PSMD9: variants seen among roughly 807,000 people sequenced by gnomAD.
PSMD9 encodes the protein proteasome 26S subunit, non-ATPase 9.
In PSMD9, 26 loss-of-function variants were observed where a neutral mutation model predicts 25.9. That is an observed-to-expected ratio of 1.00 (90% CI 0.73 to 1.39). The LOEUF is 1.39. Among genes scored for constraint, PSMD9 ranks in the 40% most tolerant of loss-of-function variants. The probability of loss-of-function intolerance (pLI) is 0.00; values close to 1 mark genes in which losing one functional copy is unlikely to be tolerated. For synonymous variants in PSMD9, 110 were observed against 114.5 expected (o/e 0.96, Z 0.25); for missense variants, 303 against 299.3 (o/e 1.01, Z -0.09).
At chr12:121,907,827 G>T (rs570876238) in intron 4 of PSMD9, among the ~76,000 whole-genome samples, 1 of 152,228 alleles carries the variant, frequency 6.6e-6, no homozygotes, top group Non-Finnish European at 1.5e-5. Flanking sequence ...ATCACTTGAG[G>T]CCAGGAGTTT....
intron 2 of PSMD9, among the ~76,000 whole-genome samples, chr12:121,895,410 G>A (rs1463291738): frequency 6.6e-6 from 1 of 152,134 alleles, no homozygotes; most frequent in African/African-American, 2.4e-5. Context: ...TAATTAAAGA[G>A]CTAGCAGAGA....
In PSMD9 at chr12:121,916,253, C is replaced by T. The variant is rs562129475; in HGVS notation, c.645-31C>T. The T allele has an allele frequency of 1.9e-6, 3 of 1,613,884 alleles. No homozygotes were observed. The South Asian group carries it at 3.3e-5, about 18-fold the overall frequency. On this transcript the variant is annotated intron_variant, in intron 5 of 5. Transcript: ENST00000541212. Reference sequence around the variant, plus strand: ...GACCTTCCTGAAGGGAGCCTCCAAACTTACGCCATTCCTTTTCTTCTTTCT... The same window carrying T: ...GACCTTCCTGAAGGGAGCCTCCAAATTTACGCCATTCCTTTTCTTCTTTCT...
intron 4 of PSMD9, among the ~76,000 whole-genome samples, chr12:121,905,210 T>C (rs1410705403): frequency 6.6e-6 from 1 of 151,320 alleles, no homozygotes; most frequent in Non-Finnish European, 1.5e-5. Flanking sequence ...CCATGAGTTT[T>C]CTTCTTTTTC....
chr12:121,890,789 A>G (rs1403586627), intron 1 of PSMD9, among the ~76,000 whole-genome samples: 2 of 152,076 alleles, frequency 1.3e-5, no homozygotes. Context: ...GTATTTTAAA[A>G]GGAAATTTCA....
At chr12:121,892,276 G>T (rs1469918354) in intron 1 of PSMD9, among the ~76,000 whole-genome samples, 1 of 152,082 alleles carries the variant, frequency 6.6e-6, no homozygotes, top group Non-Finnish European at 1.5e-5. Context: ...AATACAAATG[G>T]TCAATGGCCA....
At chr12:121,899,578 G>A in intron 2 of PSMD9, 56 bp from the exon 3 acceptor site, 1 of 1,455,858 alleles carries the variant, frequency 6.9e-7, no homozygotes, top group Non-Finnish European at 9.4e-7. Flanking sequence ...ATAAATGTAG[G>A]AGTCTTGTGT....
intron 3 of PSMD9, 112 bp from the exon 4 acceptor site, chr12:121,902,894 C>A: frequency 1.2e-6 from 1 of 833,780 alleles, no homozygotes; most frequent in Non-Finnish European, 2.0e-6. Flanking sequence ...TGAGCCTACC[C>A]TGTAGAAAAC....
rs71453586 is a variant in PSMD9, at chr12:121,912,006, CTTATTTATTTATTTAT to C, written c.556-3811_556-3796del. Reference sequence around the variant, plus strand: ...CTTCCAGGTTTCTGGAATGAGCTTGCTTATTTATTTATTTATTTATTTATTTATTTATTTATTTATT... The same window carrying C: ...CTTCCAGGTTTCTGGAATGAGCTTGCTTATTTATTTATTTATTTATTTATT... On this transcript the variant is annotated intron_variant, in intron 4 of 5. Coordinates refer to ENST00000541212, the MANE Select transcript of PSMD9 (RefSeq NM_002813.7). Among the ~76,000 whole-genome samples the C allele has an allele frequency of 3.8e-3, 515 of 136,572 alleles. 2 individuals are homozygous for C. The highest frequency in any genetic ancestry group is 0.012 in the African/African-American group (436 of 35,658). 89.6% of individuals were successfully genotyped at this position (136,572 alleles called of 152,430 possible). A position where few individuals can be genotyped will look rare whatever the true frequency, so the allele number is the denominator to read the frequency against.
intron 4 of PSMD9, among the ~76,000 whole-genome samples, chr12:121,913,291 G>T (rs1879792622): frequency 6.6e-6 from 1 of 151,288 alleles, no homozygotes; most frequent in South Asian, 2.1e-4. Flanking sequence ...GTGTTAGCCA[G>T]GATGGTCTTG....
chr12:121,918,051 C>A lies in PSMD9; in HGVS notation c.*1740C>A, dbSNP rs545100124. The A allele has an allele frequency of 6.6e-6, 1 of 152,296 alleles. No homozygotes were observed. Among genetic ancestry groups the A allele is most frequent in the African/African-American group, 2.4e-5 (1 of 41,566 alleles). The allele number at this position is 152,296 out of a possible 1,614,324, so 9.4% of individuals were successfully genotyped here. On this transcript the variant is annotated 3_prime_UTR_variant, in exon 6 of 6. Transcript: ENST00000541212. The surrounding 1 kb of genome is among the most constrained non-coding windows in gnomAD (Gnocchi z 4.3). ...TGGAAACCCGTGTGGCCACCTGTTG[C>A]CGTCTTCCATGAGATGTTAGTGGAG...
chr12:121,916,550 C>T lies in PSMD9; in HGVS notation c.*239C>T. 1 of 563,508 alleles carries T rather than the reference C, an allele frequency of 1.8e-6. No individual in the cohort carries two copies. The highest frequency in any genetic ancestry group is 3.2e-6 in the Non-Finnish European group (1 of 316,644). 34.9% of individuals were successfully genotyped at this position (563,508 alleles called of 1,614,324 possible). A position where few individuals can be genotyped will look rare whatever the true frequency, so the allele number is the denominator to read the frequency against. On this transcript the variant is annotated 3_prime_UTR_variant, in exon 6 of 6. Coordinates refer to ENST00000541212, the MANE Select transcript of PSMD9 (RefSeq NM_002813.7). ...GGCCACGGCCCTAAATAGGAATTCC[C>T]TGGATTGTGGGCAAGTGGGCGGAAG...
chr12:121,907,379 T>G (rs1450159436), intron 4 of PSMD9, among the ~76,000 whole-genome samples: 2 of 150,048 alleles, frequency 1.3e-5, no homozygotes, highest in Non-Finnish European at 3.0e-5. Context: ...CTTTCTTTGT[T>G]TTTTTTTTTG....
intron 5 of PSMD9, 118 bp from the exon 6 acceptor site, chr12:121,916,166 T>C (rs1020370904): frequency 8.7e-6 from 12 of 1,376,396 alleles, no homozygotes; most frequent in African/African-American, 2.9e-5. Context: ...ATTCATGCAC[T>C]AGGCATTTGC....
At chr12:121,908,323 C>T (rs1278830966) in intron 4 of PSMD9, among the ~76,000 whole-genome samples, 1 of 152,002 alleles carries the variant, frequency 6.6e-6, no homozygotes, top group Admixed American at 6.6e-5. Flanking sequence ...GGATTACAGG[C>T]ATGCACCACC....
rs145848912 is a variant in PSMD9, at chr12:121,894,798, C to T, written c.198C>T (p.Asp66=). ...LVDCEGYPRS[D]VDLYQVRTAR... is the part of the protein sequence containing the mutation. Reference sequence around the variant, plus strand: ...ACTGTGAGGGCTACCCCCGGTCAGACGTGGACCTGTACCAAGTCCGCACCG... The same window carrying T: ...ACTGTGAGGGCTACCCCCGGTCAGATGTGGACCTGTACCAAGTCCGCACCG... Residue 66 remains aspartate, a synonymous_variant, in exon 2 of 6, where the codon GAC becomes GAT. Coordinates refer to ENST00000541212, the MANE Select transcript of PSMD9 (RefSeq NM_002813.7). 4.7e-5 allele frequency: 76 copies of T among 1,614,072 alleles called. No homozygotes were observed. The highest frequency in any genetic ancestry group is 8.9e-5 in the East Asian group (4 of 44,876).
rs1288157893 is a variant in PSMD9, at chr12:121,916,547, T to A, written c.*236T>A. ...TTAGGCCACGGCCCTAAATAGGAAT[T>A]CCCTGGATTGTGGGCAAGTGGGCGG... On this transcript the variant is annotated 3_prime_UTR_variant, in exon 6 of 6. Coordinates refer to ENST00000541212, the MANE Select transcript of PSMD9 (RefSeq NM_002813.7). 1 of 565,832 alleles carries A rather than the reference T, an allele frequency of 1.8e-6. No individual in the cohort carries two copies. Among genetic ancestry groups the A allele is most frequent in the Non-Finnish European group, 3.1e-6 (1 of 318,318 alleles). The allele number at this position is 565,832 out of a possible 1,614,324, so 35.1% of individuals were successfully genotyped here. A position where few individuals can be genotyped will look rare whatever the true frequency, so the allele number is the denominator to read the frequency against.
intron 2 of PSMD9, chr12:121,898,375 C>T (rs1024344498): frequency 1.3e-5 from 2 of 152,104 alleles, no homozygotes; most frequent in Admixed American, 6.6e-5. Context: ...TTCAAAGATC[C>T]CAATTTTCAG....
chr12:121,903,874 A>G (rs904654338), intron 4 of PSMD9, among the ~76,000 whole-genome samples: 115 of 148,238 alleles, frequency 7.8e-4, no homozygotes, highest in African/African-American at 2.7e-3. Context: ...GGGTCTTGCT[A>G]TGTTGTCCAG....
At chr12:121,904,732 A>C (rs1412471239) in intron 4 of PSMD9, among the ~76,000 whole-genome samples, 1 of 147,364 alleles carries the variant, frequency 6.8e-6, no homozygotes, top group African/African-American at 2.5e-5. Flanking sequence ...ATCTTGGCTC[A>C]CTGCAACCTC....
Sources: allele counts gnomAD v4.1 joint callset (sites outside exome capture counted in the v4.1 genomes callset), GRCh38; gene constraint gnomAD v4.1.1; non-coding constraint Gnocchi (gnomAD v3.1); transcripts MANE v1.5; gene names NCBI Gene and HGNC (gene_info 2026-07-23, HGNC 2026-07-21).